Variants in NCLN observed in about 807,000 individuals in gnomAD.
NCLN encodes the protein BOS complex subunit NCLN.
NCLN carries 34 observed loss-of-function variants against 69.5 expected under a neutral mutation model. The ratio of observed to expected loss-of-function variants is 0.49; its 90% CI spans 0.37 to 0.65. The LOEUF is 0.65. Ranked by LOEUF, NCLN falls within the 30% of genes least tolerant of loss-of-function variation. The pLI is 0.00. For synonymous variants in NCLN, 393 were observed against 358.3 expected (o/e 1.10, Z -1.09); for missense variants, 710 against 804.8 (o/e 0.88, Z 1.42).
At chr19:3,186,920 C>G (rs938124094) in intron 1 of NCLN, among the ~76,000 whole-genome samples, 15 of 152,106 alleles carry the variant, frequency 9.9e-5, no homozygotes, top group African/African-American at 3.6e-4. Context: ...ACATTTGTCC[C>G]CAGACCCCTG....
intron 3 of NCLN, among the ~76,000 whole-genome samples, chr19:3,193,888 C>T (rs1915894381): frequency 6.6e-6 from 1 of 152,246 alleles, no homozygotes; most frequent in Non-Finnish European, 1.5e-5. Flanking sequence ...TGGCAGCGAA[C>T]TCAGAGCAGG....
chr19:3,204,299 G>T (rs1916203492), intron 8 of NCLN, among the ~76,000 whole-genome samples, 155 bp downstream of exon 8: 3 of 151,828 alleles, frequency 2.0e-5, no homozygotes, highest in Non-Finnish European at 4.4e-5. Flanking sequence ...TCTGTCCTGG[G>T]GTGTCCTTGC....
chr19:3,191,511 G>T (rs190349836), intron 1 of NCLN, among the ~76,000 whole-genome samples: 6 of 152,208 alleles, frequency 3.9e-5, no homozygotes, highest in Admixed American at 2.0e-4. Context: ...GCGCAGTAGG[G>T]TGGTCCTAGA....
At chr19:3,191,098 G>T (rs1229814385) in intron 1 of NCLN, among the ~76,000 whole-genome samples, 1 of 151,924 alleles carries the variant, frequency 6.6e-6, no homozygotes, top group African/African-American at 2.4e-5. Flanking sequence ...GATCGTCGCG[G>T]TGCGTGGCGG....
At chr19:3,202,224 GAGGAGGTGAATCCC>G (rs903682068) in intron 6 of NCLN, among the ~76,000 whole-genome samples, 9 of 152,296 alleles carry the variant, frequency 5.9e-5, no homozygotes, top group African/African-American at 2.2e-4. Flanking sequence ...GGAAGGGAGA[GAGGAGGTGAATCCC>G]AGGAGCTGGG....
At position 3,203,718 on chromosome 19, in the gene NCLN, C is replaced by T. The variant is rs775007458; in HGVS notation, c.801-38C>T. ...CCTGGTCCCTCCTCCACCCCAGGCG[C>T]TTGCCCGTCAAAGCTAACACTGGGT... On this transcript the variant is annotated intron_variant, in intron 6 of 14. Transcript: ENST00000246117. 9 of 1,575,222 alleles carry T rather than the reference C, an allele frequency of 5.7e-6. No homozygotes were observed. The Middle Eastern group carries it at 5.0e-4, about 87-fold the overall frequency.
intron 2 of NCLN, among the ~76,000 whole-genome samples, 187 bp downstream of exon 2, chr19:3,192,847 A>G (rs1915863175): frequency 1.3e-5 from 2 of 152,172 alleles, no homozygotes; most frequent in African/African-American, 4.8e-5. Flanking sequence ...TGATGACCGG[A>G]GGTGTTCAGG....
At position 3,204,583 on chromosome 19, in the gene NCLN, A is replaced by G. The variant is rs769772321; in HGVS notation, c.1040A>G (p.His347Arg). The change falls in exon 9 of 15, where the codon CAC (histidine) becomes CGC (arginine). Residue 347 changes from histidine to arginine, a missense_variant. His to Arg is a conservative substitution (Grantham distance 29). Transcript: ENST00000246117. Reference sequence around the variant, plus strand: ...CGCCTCCGGCTGCAGGTGGCCGCGCACCAGTTCCCTGAGGTACGGTTCTCC... The same window carrying G: ...CGCCTCCGGCTGCAGGTGGCCGCGCGCCAGTTCCCTGAGGTACGGTTCTCC... ...FLRELETVAAHQFPEVRFSMV... is the reference protein window; with the variant it reads ...FLRELETVAARQFPEVRFSMV... 4.5e-6 allele frequency: 7 copies of G among 1,546,252 alleles called. No homozygotes were observed. The highest frequency in any genetic ancestry group is 6.1e-6 in the Non-Finnish European group (7 of 1,145,392).
At position 3,207,877 on chromosome 19, in the gene NCLN, C is replaced by G; in HGVS notation, c.*189C>G. On this transcript the variant is annotated 3_prime_UTR_variant, in exon 15 of 15. Transcript: ENST00000246117. ...CTCCGAGACTGGGGGGGGATTGTTTCTTCTTTTCCTTGTCTTTGAACTTCC... is the reference window on the plus strand; with the variant it reads ...CTCCGAGACTGGGGGGGGATTGTTTGTTCTTTTCCTTGTCTTTGAACTTCC... The G allele has an allele frequency of 1.7e-6, 1 of 587,946 alleles. No homozygotes were observed. The highest frequency in any genetic ancestry group is 3.0e-6 in the Non-Finnish European group (1 of 328,726). 36.4% of individuals were successfully genotyped at this position (587,946 alleles called of 1,614,324 possible).
At chr19:3,196,329 A>G (rs1423257443) in intron 4 of NCLN, 52 bp downstream of exon 4, 2 of 1,353,034 alleles carry the variant, frequency 1.5e-6, no homozygotes, top group East Asian at 2.6e-5. Context: ...GGTTCCTGCC[A>G]TCCGCCTGGC....
chr19:3,204,814 G>A (rs1280454878), intron 9 of NCLN, 63 bp downstream of exon 9: 5 of 1,367,254 alleles, frequency 3.7e-6, no homozygotes, highest in South Asian at 1.7e-5. Flanking sequence ...GCCACTGGTC[G>A]CAACTGCAGA....
chr19:3,201,456 G>A (rs536040741), intron 5 of NCLN, 67 bp from the exon 6 acceptor site: 4 of 1,155,076 alleles, frequency 3.5e-6, no homozygotes, highest in African/African-American at 1.5e-5. Flanking sequence ...GGCTGCTGTG[G>A]GCGGAGGTCA....
chr19:3,186,073 G>T lies in NCLN; in HGVS notation c.43G>T (p.Ala15Ser). Residue 15 changes from alanine to serine, a missense_variant, in exon 1 of 15, where the codon GCG becomes TCG. Transcript: ENST00000246117. Reference sequence around the variant, plus strand: ...CGAGGTGCTGGAGAACATGCTGAAGGCGTCTTGTCTGCCGCTCGGCTTCAT... The same window carrying T: ...CGAGGTGCTGGAGAACATGCTGAAGTCGTCTTGTCTGCCGCTCGGCTTCAT... ...AGEVLENMLKASCLPLGFIVF... is the reference protein window; with the variant it reads ...AGEVLENMLKSSCLPLGFIVF... The T allele has an allele frequency of 6.3e-7, 1 of 1,598,054 alleles. No individual in the cohort carries two copies. The highest frequency in any genetic ancestry group is 1.7e-4 in the Middle Eastern group (1 of 5,720).
chr19:3,191,536 G>A (rs1178686034), intron 1 of NCLN, among the ~76,000 whole-genome samples: 2 of 152,178 alleles, frequency 1.3e-5, no homozygotes, highest in Non-Finnish European at 2.9e-5. Flanking sequence ...GCGAGCCCGA[G>A]GGGCGCTCCA....
Position 3,207,712 on chromosome 19 carries a change from C to A in NCLN, c.*24C>A, listed in dbSNP as rs376460851. On this transcript the variant is annotated 3_prime_UTR_variant, in exon 15 of 15. Coordinates refer to ENST00000246117, the MANE Select transcript of NCLN (RefSeq NM_020170.4). Reference sequence around the variant, plus strand: ...GACACAGCCACCCCCACAGCCGGAGCCCCCGCCGCTCCACAGTCCCTGGGG... The same window carrying A: ...GACACAGCCACCCCCACAGCCGGAGACCCCGCCGCTCCACAGTCCCTGGGG... 1.3e-6 allele frequency: 2 copies of A among 1,593,148 alleles called. No individual in the cohort carries two copies. Among genetic ancestry groups the A allele is most frequent in the Non-Finnish European group, 1.7e-6 (2 of 1,162,700 alleles).
chr19:3,207,556 G>A (rs1256169645), intron 14 of NCLN, 73 bp from the exon 15 acceptor site: 1 of 1,607,634 alleles, frequency 6.2e-7, no homozygotes. Context: ...CTGGCCCCTG[G>A]CTCAGCCTAG....
intron 5 of NCLN, among the ~76,000 whole-genome samples, chr19:3,201,227 C>T (rs1916117511): frequency 6.6e-6 from 1 of 152,176 alleles, no homozygotes. Context: ...TTCTCCCGGG[C>T]GCGGGCCGAG....
chr19:3,194,154 TG>T (rs967657771), intron 3 of NCLN, among the ~76,000 whole-genome samples: 21 of 151,838 alleles, frequency 1.4e-4, no homozygotes, highest in Admixed American at 2.6e-4. Context: ...CTGAGGCGGG[TG>T]GGTCCCCTGA....
chr19:3,186,365 C>T, intron 1 of NCLN, 151 bp downstream of exon 1: 1 of 911,886 alleles, frequency 1.1e-6, no homozygotes, highest in South Asian at 2.4e-5. Flanking sequence ...CGCCCTGGAC[C>T]CCCGGGCGCC....
Sources: gnomAD v4.1 joint callset for allele counts (sites outside exome capture counted in the v4.1 genomes callset) on GRCh38, gnomAD v4.1.1 for gene constraint, MANE v1.5 for transcripts, NCBI Gene and HGNC (gene_info 2026-07-23, HGNC 2026-07-21) for gene names.